ACSM1: variants seen among roughly 807,000 people sequenced by gnomAD.
The protein encoded by ACSM1 is acyl-CoA synthetase medium chain family member 1, also known as acyl-coenzyme A synthetase ACSM1, mitochondrial.
ACSM1 carries 79 observed loss-of-function variants against 75.8 expected under a neutral mutation model. That is an observed-to-expected ratio of 1.04 (90% CI 0.87 to 1.26). The LOEUF (loss-of-function observed/expected upper bound fraction) is 1.26, where lower values mean the gene tolerates loss of function less well. ACSM1 is among the 50% of genes most tolerant of loss of function. The pLI, the probability that ACSM1 is intolerant of heterozygous loss-of-function variation, is 0.00. For synonymous variants in ACSM1, 279 were observed against 265.8 expected (o/e 1.05, Z -0.48); for missense variants, 676 against 720.1 (o/e 0.94, Z 0.70).
chr16:20,673,670 AAG>A (rs1330932892), intron 4 of ACSM1, among the ~76,000 whole-genome samples: 1 of 152,140 alleles, frequency 6.6e-6, no homozygotes, highest in African/African-American at 2.4e-5. Flanking sequence ...GGGAGATGGA[AAG>A]AGTTTGCTCC....
chr16:20,661,422 A>C (rs1304597414), intron 7 of ACSM1, among the ~76,000 whole-genome samples: 1 of 152,184 alleles, frequency 6.6e-6, no homozygotes, highest in Non-Finnish European at 1.5e-5. Flanking sequence ...TGTTTCCTTT[A>C]AGGGAGATGG....
rs376043595 is a variant in ACSM1 at position 20,682,373 on chromosome 16, A to G, written c.494T>C (p.Ile165Thr). ...QLSKAKGIVT[I>T]DALASEVDSI... The stretch of plus-strand genomic sequence containing the variant: ...GTCCACCTCTGAGGCAAGGGCATCT[A>G]TGGTCACAATGCCCTTGGCTTTAGA... Residue 165 changes from isoleucine to threonine, a missense_variant, in exon 4 of 14, where the codon ATA (isoleucine) becomes ACA (threonine). Ile to Thr is a moderately conservative substitution (Grantham distance 89). Transcript: ENST00000520010. The G allele has an allele frequency of 8.0e-5, 129 of 1,613,812 alleles. No individual in the cohort carries two copies. Among genetic ancestry groups the G allele is most frequent in the Non-Finnish European group, 1.0e-4 (121 of 1,179,844 alleles).
At chr16:20,693,867 C>T (rs2152342977) in intron 1 of ACSM1, among the ~76,000 whole-genome samples, 1 of 152,316 alleles carries the variant, frequency 6.6e-6, no homozygotes, top group East Asian at 1.9e-4. Flanking sequence ...AGAGGTTCCT[C>T]TTCAAAGACT....
chr16:20,664,736 T>C (rs1156966743), intron 6 of ACSM1, among the ~76,000 whole-genome samples: 1 of 152,098 alleles, frequency 6.6e-6, no homozygotes, highest in Non-Finnish European at 1.5e-5. Context: ...TATTCTAAAA[T>C]TGACCACAGG....
chr16:20,623,705 C>T (rs2016746454), intron 13 of ACSM1, 133 bp from the exon 14 acceptor site: 2 of 911,284 alleles, frequency 2.2e-6, no homozygotes, highest in Admixed American at 4.8e-5. Context: ...AATGGAGTCC[C>T]CAAGTATTTC....
chr16:20,690,932 A>AG, intron 2 of ACSM1, 65 bp downstream of exon 2: 1 of 1,504,318 alleles, frequency 6.6e-7, no homozygotes, highest in Non-Finnish European at 9.0e-7. Context: ...TCAGCCTAGT[A>AG]GGAGCAAGAT....
intron 6 of ACSM1, among the ~76,000 whole-genome samples, chr16:20,666,030 G>C (rs1307068084): frequency 3.3e-5 from 5 of 152,048 alleles, no homozygotes; most frequent in Non-Finnish European, 5.9e-5. Context: ...GCATCACACT[G>C]ACCAGGCAAA....
intron 12 of ACSM1, among the ~76,000 whole-genome samples, 155 bp downstream of exon 12, chr16:20,625,268 G>GA (rs2016849851): frequency 1.3e-5 from 2 of 152,216 alleles, no homozygotes; most frequent in Non-Finnish European, 2.9e-5. Flanking sequence ...CAGAGCCACA[G>GA]AGAGTCCACA....
chr16:20,691,985 T>A (rs1479862715), intron 1 of ACSM1, among the ~76,000 whole-genome samples: 4 of 152,160 alleles, frequency 2.6e-5, no homozygotes, highest in African/African-American at 9.7e-5. Context: ...TTCAAGTCCC[T>A]GGTTCAAATT....
intron 9 of ACSM1, chr16:20,637,055 T>A (rs2017758877): frequency 4.1e-6 from 3 of 739,880 alleles, no homozygotes; most frequent in South Asian, 2.8e-5. Context: ...ATGTCACCAA[T>A]GTGTCTTCAA....
Position 20,633,279 on chromosome 16 carries a change from C to CA in ACSM1, c.1299+3459dup, listed in dbSNP as rs550016582. ...GAAAACCCGAAGAATTTTACACACT[C>CA]AAAAAAAATGTTAAAGCTAATACAT... On this transcript the variant is annotated intron_variant, in intron 10 of 13. Coordinates refer to ENST00000520010, the MANE Select transcript of ACSM1 (RefSeq NM_001318890.3). 9.9e-5 allele frequency among the ~76,000 whole-genome samples: 15 copies of CA among 151,832 alleles called. No homozygotes were observed. The South Asian group carries it at 1.5e-3, about 15-fold the overall frequency.
At chr16:20,685,836 C>CAAAAAAAAAA (rs2079542783) in intron 2 of ACSM1, among the ~76,000 whole-genome samples, 1 of 108,528 alleles carries the variant, frequency 9.2e-6, no homozygotes, top group Non-Finnish European at 1.9e-5. Flanking sequence ...AAAAAACAAA[C>CAAAAAAAAAA]AAAAAAAAAA....
intron 6 of ACSM1, among the ~76,000 whole-genome samples, chr16:20,668,618 C>T (rs1019234368): frequency 1.3e-5 from 2 of 152,132 alleles, no homozygotes; most frequent in Non-Finnish European, 2.9e-5. Context: ...AGACTAGACC[C>T]TAGGTACAGT....
At chr16:20,643,580 A>G (rs1311028606) in intron 7 of ACSM1, among the ~76,000 whole-genome samples, 1 of 152,192 alleles carries the variant, frequency 6.6e-6, no homozygotes, top group African/African-American at 2.4e-5. Context: ...GGTAGTGCAG[A>G]CCCAAAGAGT....
chr16:20,651,604 AC>A (rs557928656), intron 7 of ACSM1, among the ~76,000 whole-genome samples: 389 of 152,284 alleles, frequency 2.6e-3, no homozygotes, highest in African/African-American at 9.0e-3. Flanking sequence ...AGCCTGCCTG[AC>A]TGAGCAAGAC....
At chr16:20,637,728 G>C (rs900999461) in intron 8 of ACSM1, among the ~76,000 whole-genome samples, 55 of 152,330 alleles carry the variant, frequency 3.6e-4, no homozygotes, top group African/African-American at 1.2e-3. Flanking sequence ...AGAAGAAACA[G>C]GGTATTCCCC....
At chr16:20,643,978 CACAGAGTGCTGATTGGTGTTTTTTT>C (rs1596825377) in intron 7 of ACSM1, among the ~76,000 whole-genome samples, 1 of 152,122 alleles carries the variant, frequency 6.6e-6, no homozygotes, top group African/African-American at 2.4e-5. Context: ...TTTAGCTAGA[CACAGAGTGCTGATTGGTGTTTTTTT>C]ACAGAGTGCT....
intron 3 of ACSM1, 144 bp from the exon 4 acceptor site, chr16:20,682,607 T>G: frequency 1.7e-6 from 1 of 600,080 alleles, no homozygotes. Context: ...CTATCCAGGA[T>G]GCAGAATCTC....
intron 7 of ACSM1, among the ~76,000 whole-genome samples, chr16:20,652,003 T>C (rs1387240436): frequency 6.6e-6 from 1 of 152,182 alleles, no homozygotes; most frequent in African/African-American, 2.4e-5. Context: ...TATATGCTTA[T>C]GAAATATTGT....
Sources: allele counts gnomAD v4.1 joint callset (sites outside exome capture counted in the v4.1 genomes callset), GRCh38; gene constraint gnomAD v4.1.1; transcripts MANE v1.5; gene names NCBI Gene and HGNC (gene_info 2026-07-23, HGNC 2026-07-21).